The following SKAP1 variants were observed in gnomAD, a reference collection of about 807,000 sequenced individuals.
SKAP1 encodes src kinase associated phosphoprotein 1.
In SKAP1, 44 loss-of-function variants were observed where a neutral mutation model predicts 58.5. The observed-to-expected ratio is 0.75, with a 90% CI of 0.59 to 0.97. The LOEUF (loss-of-function observed/expected upper bound fraction) is 0.97, where lower values mean the gene tolerates loss of function less well. SKAP1 is among the 50% of genes least tolerant of loss of function. The probability of loss-of-function intolerance (pLI) is 0.00; values close to 1 mark genes in which losing one functional copy is unlikely to be tolerated. For synonymous variants in SKAP1, 127 were observed against 149.7 expected (o/e 0.85, Z 1.11); for missense variants, 390 against 435.2 (o/e 0.90, Z 0.92).
chr17:48,187,173 A>G (rs1036317145), intron 6 of SKAP1, among the ~76,000 whole-genome samples: 1 of 152,186 alleles, frequency 6.6e-6, no homozygotes, highest in Non-Finnish European at 1.5e-5. Flanking sequence ...ATTTCTTTTC[A>G]TAAACCAATC....
chr17:48,136,361 TG>T (rs2063698387), intron 12 of SKAP1: 1 of 152,098 alleles, frequency 6.6e-6, no homozygotes, highest in Admixed American at 6.6e-5. Flanking sequence ...TTAATAGAGA[TG>T]GGATTTCACC....
chr17:48,398,322 C>T (rs2067447632), intron 1 of SKAP1, among the ~76,000 whole-genome samples: 1 of 151,660 alleles, frequency 6.6e-6, no homozygotes, highest in Admixed American at 6.6e-5. Flanking sequence ...GTTGTGTGCT[C>T]CTTATGAGAA....
chr17:48,413,743 G>C (rs757357608), intron 1 of SKAP1, among the ~76,000 whole-genome samples: 3 of 151,596 alleles, frequency 2.0e-5, no homozygotes, highest in Non-Finnish European at 4.4e-5. Flanking sequence ...TTACAAACAA[G>C]AGCTCTTCTA....
At chr17:48,338,730 G>C (rs1000024058) in intron 4 of SKAP1, among the ~76,000 whole-genome samples, 1 of 152,144 alleles carries the variant, frequency 6.6e-6, no homozygotes, top group African/African-American at 2.4e-5. Flanking sequence ...TGAAAAACGG[G>C]TCATTCATAG....
intron 4 of SKAP1, among the ~76,000 whole-genome samples, chr17:48,311,943 T>C (rs1264501205): frequency 3.9e-5 from 6 of 152,134 alleles, no homozygotes; most frequent in Non-Finnish European, 7.4e-5. Context: ...AGCAAAAATA[T>C]GGGTAGGATT....
At chr17:48,339,211 C>A (rs2066615221) in intron 4 of SKAP1, among the ~76,000 whole-genome samples, 1 of 152,118 alleles carries the variant, frequency 6.6e-6, no homozygotes, top group Admixed American at 6.5e-5. Context: ...AGTCATGTGC[C>A]TTTATTAAAG....
chr17:48,408,008 A>G (rs1446667924), intron 1 of SKAP1, among the ~76,000 whole-genome samples: 1 of 152,230 alleles, frequency 6.6e-6, no homozygotes. Context: ...TACAAAAATT[A>G]GGCAGAGTAA....
intron 3 of SKAP1, among the ~76,000 whole-genome samples, chr17:48,351,054 G>A (rs1198804826): frequency 6.6e-6 from 1 of 152,040 alleles, no homozygotes; most frequent in African/African-American, 2.4e-5. Context: ...ACTATAGTAA[G>A]GTTAGCAAAA....
intron 4 of SKAP1, 43 bp downstream of exon 4, chr17:48,345,862 T>G: frequency 7.5e-7 from 1 of 1,339,502 alleles, no homozygotes; most frequent in Non-Finnish European, 1.1e-6. Context: ...CAGAAGATAA[T>G]GAAGTATGGT....
chr17:48,398,277 A>C (rs763314961), intron 1 of SKAP1, among the ~76,000 whole-genome samples: 2 of 152,032 alleles, frequency 1.3e-5, no homozygotes, highest in Non-Finnish European at 2.9e-5. Context: ...TAGGAGCACA[A>C]ACCCTATTGT....
chr17:48,399,949 A>T (rs1265326448), intron 1 of SKAP1, among the ~76,000 whole-genome samples: 1 of 152,130 alleles, frequency 6.6e-6, no homozygotes, highest in African/African-American at 2.4e-5. Flanking sequence ...GGAAAGGAAG[A>T]AGTAAAACTA....
chr17:48,147,612 G>A (rs2063847421), intron 11 of SKAP1, among the ~76,000 whole-genome samples: 1 of 152,166 alleles, frequency 6.6e-6, no homozygotes. Flanking sequence ...AGATTTTCCA[G>A]AAGGAGAAAG....
At chr17:48,318,897 A>G (rs538822119) in intron 4 of SKAP1, among the ~76,000 whole-genome samples, 1 of 152,322 alleles carries the variant, frequency 6.6e-6, no homozygotes, top group Admixed American at 6.5e-5. Flanking sequence ...TTAAAAATTA[A>G]TATTTCTATT....
intron 10 of SKAP1, among the ~76,000 whole-genome samples, chr17:48,166,834 T>C (rs1052539441): frequency 5.9e-5 from 9 of 152,198 alleles, no homozygotes; most frequent in African/African-American, 2.2e-4. Flanking sequence ...GTCTAACATG[T>C]TGAGTTCATT....
chr17:48,234,573 T>C (rs1349676), intron 4 of SKAP1, among the ~76,000 whole-genome samples: 126,463 of 152,122 alleles, frequency 0.83, 52,632 homozygotes, highest in East Asian at 0.95. Context: ...CAAGGTAATA[T>C]GTTGTTCAGT....
intron 4 of SKAP1, among the ~76,000 whole-genome samples, chr17:48,278,411 T>A (rs572032670): frequency 6.6e-6 from 1 of 152,334 alleles, no homozygotes; most frequent in South Asian, 2.1e-4. Context: ...TAGAATATAA[T>A]TCTAGCACAA....
intron 4 of SKAP1, among the ~76,000 whole-genome samples, chr17:48,276,870 C>T (rs961870258): frequency 2.0e-5 from 3 of 152,172 alleles, no homozygotes; most frequent in Non-Finnish European, 4.4e-5. Context: ...TTCTCTGTAT[C>T]TTAGACACTG....
intron 4 of SKAP1, among the ~76,000 whole-genome samples, chr17:48,250,059 C>A (rs1477665075): frequency 2.0e-5 from 3 of 151,556 alleles, no homozygotes. Flanking sequence ...TGCCTTTTCT[C>A]ACATACTCAT....
intron 4 of SKAP1, among the ~76,000 whole-genome samples, chr17:48,224,088 AGAG>A (rs1156753929): frequency 1.7e-4 from 10 of 59,014 alleles, no homozygotes; most frequent in East Asian, 6.0e-4. Context: ...AGGAGGAGGA[AGAG>A]GAGGAGGAGG....
Sources: allele counts gnomAD v4.1 joint callset (sites outside exome capture counted in the v4.1 genomes callset), GRCh38; gene constraint gnomAD v4.1.1; transcripts MANE v1.5; gene names NCBI Gene and HGNC (gene_info 2026-07-23, HGNC 2026-07-21).